AFF3: variants seen among roughly 807,000 people sequenced by gnomAD.
AFF3 encodes the protein AF4/FMR2 family member 3.
Under a neutral mutation model 129.7 loss-of-function variants are expected in AFF3, and 32 were observed. The observed-to-expected ratio is 0.25, with a 90% CI of 0.19 to 0.33. The LOEUF (loss-of-function observed/expected upper bound fraction) is 0.33. Ranked by LOEUF, AFF3 falls within the 10% of genes least tolerant of loss-of-function variation. The probability of loss-of-function intolerance (pLI) is 1.00; values close to 1 mark genes in which losing one functional copy is unlikely to be tolerated. For synonymous variants in AFF3, 644 were observed against 635.4 expected (o/e 1.01, Z -0.20); for missense variants, 1,373 against 1,592.0 (o/e 0.86, Z 2.34).
intron 7 of AFF3, among the ~76,000 whole-genome samples, chr2:100,000,431 C>T (rs1197155949): frequency 1.3e-5 from 2 of 152,012 alleles, no homozygotes; most frequent in African/African-American, 4.8e-5. Flanking sequence ...GATATTAATC[C>T]AGGATAATCT....
chr2:99,721,637 G>A (rs1275865991), intron 11 of AFF3, among the ~76,000 whole-genome samples: 2 of 151,980 alleles, frequency 1.3e-5, no homozygotes, highest in African/African-American at 4.8e-5. Context: ...TATTTGTGAT[G>A]AGAATTCTTC....
intron 8 of AFF3, among the ~76,000 whole-genome samples, chr2:99,755,401 G>A (rs1682012531): frequency 6.6e-6 from 1 of 151,846 alleles, no homozygotes; most frequent in Non-Finnish European, 1.5e-5. Flanking sequence ...CCGAGTAGCT[G>A]GGATTACAGG....
chr2:99,730,853 C>A (rs561861629), intron 10 of AFF3, among the ~76,000 whole-genome samples: 7 of 152,078 alleles, frequency 4.6e-5, no homozygotes, highest in Admixed American at 2.6e-4. Context: ...CAAAAGCAAT[C>A]CATGTTTATG....
intron 4 of AFF3, among the ~76,000 whole-genome samples, chr2:100,073,501 G>T (rs1256064942): frequency 2.0e-5 from 3 of 152,168 alleles, no homozygotes; most frequent in Non-Finnish European, 2.9e-5. Context: ...ACACACACCT[G>T]CTGTTGAGGC....
chr2:99,868,576 A>T (rs543470186), intron 7 of AFF3, among the ~76,000 whole-genome samples: 1 of 152,314 alleles, frequency 6.6e-6, no homozygotes, highest in South Asian at 2.1e-4. Context: ...TAAGACAATG[A>T]GGCCTGGAGG....
At chr2:99,601,723 C>T in intron 13 of AFF3, 102 bp from the exon 14 acceptor site, 1 of 1,358,368 alleles carries the variant, frequency 7.4e-7, no homozygotes, top group Non-Finnish European at 9.9e-7. Context: ...AGGGAGGAGG[C>T]ACGCAGCCTA....
chr2:99,921,216 A>C (rs1447228776), intron 7 of AFF3, among the ~76,000 whole-genome samples: 3 of 152,190 alleles, frequency 2.0e-5, no homozygotes, highest in Admixed American at 1.3e-4. Flanking sequence ...TGTAACATTC[A>C]TTCTTTCTAT....
intron 7 of AFF3, among the ~76,000 whole-genome samples, chr2:100,000,467 T>G (rs1011586401): frequency 9.9e-5 from 15 of 152,102 alleles, no homozygotes; most frequent in Non-Finnish European, 1.8e-4. Context: ...CAGTTATTTC[T>G]AATACAAAGG....
At chr2:99,742,100 A>C (rs914944750) in intron 10 of AFF3, among the ~76,000 whole-genome samples, 1 of 152,156 alleles carries the variant, frequency 6.6e-6, no homozygotes, top group African/African-American at 2.4e-5. Context: ...TCACACCTAT[A>C]ATCTCAGCAC....
chr2:99,574,313 CAT>C (rs2104735168), intron 18 of AFF3, among the ~76,000 whole-genome samples: 1 of 152,276 alleles, frequency 6.6e-6, no homozygotes, highest in Non-Finnish European at 1.5e-5. Flanking sequence ...GAGCCCACAA[CAT>C]ACAAAGGACA....
intron 7 of AFF3, among the ~76,000 whole-genome samples, chr2:99,967,356 G>A (rs1488426656): frequency 6.7e-6 from 1 of 149,954 alleles, no homozygotes; most frequent in South Asian, 2.1e-4. Flanking sequence ...CCTTTCTCCT[G>A]AGTGCCAGTT....
chr2:99,910,981 G>A lies in AFF3; in HGVS notation c.874-73457C>T, dbSNP rs142995250. On this transcript the variant is annotated intron_variant, in intron 7 of 24. Transcript: ENST00000672756. ...ATCCAAGCTCACTCTGATATTTGGT[G>A]AAGTTTAACTGAAGAATCTTAAAAG... Among the ~76,000 whole-genome samples, 140 of 152,320 alleles carry A rather than the reference G, an allele frequency of 9.2e-4. 1 individual carries two copies. Among genetic ancestry groups the A allele is most frequent in the South Asian group, 3.5e-3 (17 of 4,826 alleles).
At chr2:99,849,020 A>C (rs1689939604) in intron 7 of AFF3, among the ~76,000 whole-genome samples, 1 of 152,088 alleles carries the variant, frequency 6.6e-6, no homozygotes, top group African/African-American at 2.4e-5. Context: ...TAGTCTAAAG[A>C]GTGAATGTAA....
chr2:100,121,978 C>T (rs1197401400), intron 2 of AFF3, among the ~76,000 whole-genome samples: 2 of 152,134 alleles, frequency 1.3e-5, no homozygotes, highest in African/African-American at 4.8e-5. Context: ...AGGAGAATGG[C>T]GTGAACCCGG....
chr2:100,106,145 G>T, intron 2 of AFF3: 2 of 1,231,476 alleles, frequency 1.6e-6, no homozygotes, highest in South Asian at 1.4e-5. Context: ...GCTCAGCCTG[G>T]CTCCCTTCTT....
At chr2:99,862,068 T>A (rs993668381) in intron 7 of AFF3, among the ~76,000 whole-genome samples, 1 of 152,182 alleles carries the variant, frequency 6.6e-6, no homozygotes, top group Non-Finnish European at 1.5e-5. Flanking sequence ...ACTGATTAGT[T>A]TTTGAAGTCT....
At chr2:99,806,833 T>C (rs1302498623) in intron 8 of AFF3, among the ~76,000 whole-genome samples, 1 of 152,240 alleles carries the variant, frequency 6.6e-6, no homozygotes, top group Non-Finnish European at 1.5e-5. Flanking sequence ...CTTACATGAA[T>C]ACCACTGAGA....
chr2:99,743,009 C>T (rs557473074), intron 10 of AFF3, among the ~76,000 whole-genome samples: 2 of 152,286 alleles, frequency 1.3e-5, no homozygotes, highest in East Asian at 1.9e-4. Flanking sequence ...CTGTGGTGTG[C>T]GATGCTGACG....
chr2:99,878,151 A>G (rs1692433556), intron 7 of AFF3, among the ~76,000 whole-genome samples: 1 of 152,224 alleles, frequency 6.6e-6, no homozygotes, highest in Admixed American at 6.5e-5. Flanking sequence ...GAAAACAAGA[A>G]GCGGAAAGAG....
Sources: allele counts gnomAD v4.1 joint callset (sites outside exome capture counted in the v4.1 genomes callset), GRCh38; gene constraint gnomAD v4.1.1; transcripts MANE v1.5; gene names NCBI Gene and HGNC (gene_info 2026-07-23, HGNC 2026-07-21).